Variants in RNF150 observed in about 807,000 individuals in gnomAD.
The protein encoded by RNF150 is ring finger protein 150.
RNF150 carries 24 observed loss-of-function variants against 39.3 expected under a neutral mutation model. The observed-to-expected ratio is 0.61, with a 90% CI of 0.44 to 0.86. The LOEUF is 0.86. RNF150 is among the 40% of genes least tolerant of loss of function. The pLI is 0.00. For synonymous variants in RNF150, 255 were observed against 227.3 expected, an observed-to-expected ratio of 1.12 and a Z score of -1.10; for missense variants, 502 against 587.8, an observed-to-expected ratio of 0.85 and a Z score of 1.51.
intron 6 of RNF150, among the ~76,000 whole-genome samples, chr4:140,885,350 GC>G (rs1414617817): frequency 7.3e-6 from 1 of 137,068 alleles, no homozygotes; most frequent in African/African-American, 2.7e-5. Context: ...ACAGGTGCGT[GC>G]CATCACACCC....
intron 5 of RNF150, among the ~76,000 whole-genome samples, chr4:140,922,105 G>A (rs962824843): frequency 7.9e-5 from 12 of 152,030 alleles, no homozygotes; most frequent in African/African-American, 2.9e-4. Context: ...CATAGTGTTG[G>A]AAGTTCTGGC....
chr4:141,115,428 C>T (rs1739520410), intron 1 of RNF150, among the ~76,000 whole-genome samples: 2 of 152,150 alleles, frequency 1.3e-5, no homozygotes, highest in South Asian at 2.1e-4. Flanking sequence ...AAGAATACAA[C>T]TTACAAGGGA....
intron 1 of RNF150, among the ~76,000 whole-genome samples, chr4:141,023,324 C>A (rs1048747418): frequency 5.9e-5 from 9 of 152,106 alleles, no homozygotes; most frequent in Non-Finnish European, 1.0e-4. Context: ...CAGCTCTCTG[C>A]AATCTCTGCC....
In RNF150 at chr4:141,034,858, T is replaced by A. The variant is rs757989677; in HGVS notation, c.485-66985A>T. On this transcript the variant is annotated intron_variant, in intron 1 of 6. Coordinates refer to ENST00000515673, the MANE Select transcript of RNF150 (RefSeq NM_020724.2). ...ACAAGTACAATAGTAACATCCAAGA[T>A]CACTGAACTCAGATCACCAAAACAG... is the stretch of plus-strand genomic sequence containing the variant. Among the ~76,000 whole-genome samples, 36 of 152,166 alleles carry A rather than the reference T, an allele frequency of 2.4e-4. 1 individual carries two copies. The highest frequency in any genetic ancestry group is 4.6e-4 in the Admixed American group (7 of 15,270).
intron 1 of RNF150, among the ~76,000 whole-genome samples, chr4:140,992,537 C>G (rs1734231177): frequency 6.6e-6 from 1 of 152,118 alleles, no homozygotes; most frequent in African/African-American, 2.4e-5. Context: ...GCTCCCACTG[C>G]TGTTAGCGGG....
intron 6 of RNF150, 98 bp from the exon 7 acceptor site, chr4:140,868,477 C>A: frequency 2.7e-6 from 2 of 738,452 alleles, no homozygotes; most frequent in Non-Finnish European, 4.7e-6. Flanking sequence ...TCTTTAAAGG[C>A]CAAGAGAAGG....
chr4:140,912,974 A>C (rs1173799412), intron 5 of RNF150, among the ~76,000 whole-genome samples: 26 of 151,590 alleles, frequency 1.7e-4, no homozygotes, highest in African/African-American at 5.3e-4. Context: ...AAAAAAAAAA[A>C]AAAAAAAAAA....
At position 140,927,940 on chromosome 4, in the gene RNF150, G is replaced by A. The variant is rs1402007234; in HGVS notation, c.891-1867C>T. ...CTGGGATTACAGGCATGAGCCACTGGGCCTGGCCTAACTCTATTTTCTTTA... is the reference window on the plus strand; with the variant it reads ...CTGGGATTACAGGCATGAGCCACTGAGCCTGGCCTAACTCTATTTTCTTTA... On this transcript the variant is annotated intron_variant, in intron 4 of 6. Transcript: ENST00000515673. 2.0e-5 allele frequency among the ~76,000 whole-genome samples: 3 copies of A among 151,818 alleles called. 1 individual carries two copies. Among genetic ancestry groups the A allele is most frequent in the African/African-American group, 7.3e-5 (3 of 41,194 alleles).
intron 1 of RNF150, among the ~76,000 whole-genome samples, chr4:141,039,853 C>T (rs1302802037): frequency 1.3e-5 from 2 of 152,102 alleles, no homozygotes; most frequent in Non-Finnish European, 2.9e-5. Flanking sequence ...TGCTAAAATT[C>T]AGGCCCAGGG....
chr4:140,997,134 G>T lies in RNF150; in HGVS notation c.485-29261C>A, dbSNP rs528017124. The stretch of plus-strand genomic sequence containing the variant: ...CTTTTAGGAACTGAGACTACAGATG[G>T]AAGTGAGTGTGTGTATATACACATA... On this transcript the variant is annotated intron_variant, in intron 1 of 6. Transcript: ENST00000515673. The T allele has an allele frequency of 2.0e-5, 3 of 152,298 alleles. No individual in the cohort carries two copies. The East Asian group carries it at 5.8e-4, about 29-fold the overall frequency. The allele number at this position is 152,298 out of a possible 1,614,324, so 9.4% of individuals were successfully genotyped here.
intron 1 of RNF150, among the ~76,000 whole-genome samples, chr4:141,118,223 G>T (rs1194333885): frequency 1.3e-5 from 2 of 152,150 alleles, no homozygotes; most frequent in Admixed American, 1.3e-4. Flanking sequence ...AGGCTGCTTA[G>T]ACAACAGTCA....
At chr4:141,112,880 T>C (rs1739431773) in intron 1 of RNF150, among the ~76,000 whole-genome samples, 1 of 152,130 alleles carries the variant, frequency 6.6e-6, no homozygotes, top group Admixed American at 6.6e-5. Context: ...GTAGTTTTGG[T>C]CTTTTCATAC....
Position 140,864,264 on chromosome 4 carries a change from A to T in RNF150, c.*3997T>A, listed in dbSNP as rs1578909401. 6.6e-6 allele frequency: 1 copy of T among 152,326 alleles called. No homozygotes were observed. The highest frequency in any genetic ancestry group is 1.5e-5 in the Non-Finnish European group (1 of 68,050). 9.4% of individuals were successfully genotyped at this position (152,326 alleles called of 1,614,324 possible). A position where few individuals can be genotyped will look rare whatever the true frequency, so the allele number is the denominator to read the frequency against. ...CCAGACTCTACCTCTCCCTGTGTAGATGACCAGAGTTGACACTGCAGGGGA... is the reference window on the plus strand; with the variant it reads ...CCAGACTCTACCTCTCCCTGTGTAGTTGACCAGAGTTGACACTGCAGGGGA... On this transcript the variant is annotated 3_prime_UTR_variant, in exon 7 of 7. Coordinates refer to ENST00000515673, the MANE Select transcript of RNF150 (RefSeq NM_020724.2).
intron 1 of RNF150, among the ~76,000 whole-genome samples, chr4:140,976,555 A>T (rs1733671959): frequency 6.6e-6 from 1 of 151,702 alleles, no homozygotes; most frequent in African/African-American, 2.4e-5. Flanking sequence ...AAAGTGCACC[A>T]CCTCTGGAAT....
intron 1 of RNF150, among the ~76,000 whole-genome samples, chr4:141,149,486 G>A (rs562749344): frequency 5.3e-5 from 8 of 152,274 alleles, no homozygotes; most frequent in African/African-American, 1.9e-4. Context: ...AACATATGAT[G>A]TTTGGTTTTC....
intron 2 of RNF150, among the ~76,000 whole-genome samples, chr4:140,958,862 T>C (rs1408895041): frequency 6.6e-6 from 1 of 152,150 alleles, no homozygotes; most frequent in Non-Finnish European, 1.5e-5. Flanking sequence ...ATGACATGTG[T>C]TAAATGGACA....
intron 1 of RNF150, among the ~76,000 whole-genome samples, chr4:140,989,660 T>G (rs1199041429): frequency 6.6e-6 from 1 of 152,156 alleles, no homozygotes; most frequent in Non-Finnish European, 1.5e-5. Flanking sequence ...TATCAATAAT[T>G]CTAATCCTTG....
intron 1 of RNF150, among the ~76,000 whole-genome samples, chr4:141,143,020 C>G (rs777037626): frequency 6.6e-6 from 1 of 152,100 alleles, no homozygotes; most frequent in Non-Finnish European, 1.5e-5. Context: ...CAGGCGCACA[C>G]AGCCATGCAC....
chr4:140,959,872 G>A (rs1337799846), intron 2 of RNF150, among the ~76,000 whole-genome samples: 5 of 152,058 alleles, frequency 3.3e-5, no homozygotes, highest in Non-Finnish European at 7.4e-5. Flanking sequence ...AGGTGAGGCC[G>A]TATTAGAGTA....
Sources: allele counts gnomAD v4.1 joint callset (sites outside exome capture counted in the v4.1 genomes callset), GRCh38; gene constraint gnomAD v4.1.1; transcripts MANE v1.5; gene names NCBI Gene and HGNC (gene_info 2026-07-23, HGNC 2026-07-21).